GPHN: variants seen among roughly 807,000 people sequenced by gnomAD.
GPHN encodes the protein gephyrin.
Under a neutral mutation model 95.5 loss-of-function variants are expected in GPHN, and 17 were observed. The ratio of observed to expected loss-of-function variants is 0.18; its 90% CI spans 0.12 to 0.27. The LOEUF (loss-of-function observed/expected upper bound fraction) is 0.27. GPHN is among the 10% of genes least tolerant of loss of function. The pLI, the probability that GPHN is intolerant of heterozygous loss-of-function variation, is 1.00. For synonymous variants in GPHN, 320 were observed against 322.5 expected, an observed-to-expected ratio of 0.99 and a Z score of 0.08; for missense variants, 660 against 978.1, an observed-to-expected ratio of 0.67 and a Z score of 4.34.
chr14:66,512,085 A>G (rs1355288266), intron 1 of GPHN, among the ~76,000 whole-genome samples: 1 of 151,884 alleles, frequency 6.6e-6, no homozygotes, highest in East Asian at 1.9e-4. Context: ...TAGAGGTAAT[A>G]TGGTAATGAG....
the GPHN span, among the ~76,000 whole-genome samples, chr14:67,249,271 T>C: frequency 3.9e-5 from 6 of 152,312 alleles, no homozygotes; most frequent in Non-Finnish European, 8.8e-5. Context: ...CTCATACCAA[T>C]GTTTTAAGGC....
At chr14:67,302,464 G>A in the GPHN span, 13 of 1,599,496 alleles carry the variant, frequency 8.1e-6, no homozygotes, top group East Asian at 2.5e-4. Context: ...GATAGTAAAA[G>A]GGGGTGCTGC....
At chr14:67,425,814 C>T in the GPHN span, among the ~76,000 whole-genome samples, 4 of 152,058 alleles carry the variant, frequency 2.6e-5, no homozygotes, top group South Asian at 2.1e-4. Flanking sequence ...AGAACCACAG[C>T]GGTGGGCGTG....
intron 9 of GPHN, among the ~76,000 whole-genome samples, chr14:67,010,421 G>A (rs1411657171): frequency 6.6e-6 from 1 of 151,454 alleles, no homozygotes; most frequent in South Asian, 2.1e-4. Flanking sequence ...GTGTGGTGGC[G>A]GGCACCTGCA....
intron 4 of GPHN, among the ~76,000 whole-genome samples, chr14:66,846,526 A>G (rs938207003): frequency 6.6e-6 from 1 of 152,096 alleles, no homozygotes; most frequent in Non-Finnish European, 1.5e-5. Flanking sequence ...GTTCAAAGTC[A>G]CAGTGGCTGT....
chr14:67,554,971 G>A, the GPHN span, among the ~76,000 whole-genome samples: 4 of 152,054 alleles, frequency 2.6e-5, no homozygotes. Flanking sequence ...GGAGTGCAGT[G>A]GTGCCATCTC....
the GPHN span, chr14:67,302,063 A>G: frequency 6.2e-7 from 1 of 1,609,514 alleles, no homozygotes; most frequent in Non-Finnish European, 8.5e-7. Context: ...ATTGGCCAGT[A>G]TGGAGGAGAA....
chr14:67,131,807 A>C (rs915284821), intron 17 of GPHN, among the ~76,000 whole-genome samples: 1 of 152,168 alleles, frequency 6.6e-6, no homozygotes, highest in Admixed American at 6.5e-5. Flanking sequence ...AATTTTTTTA[A>C]ATAAATTTCA....
At chr14:66,701,512 G>A (rs1048990370) in intron 2 of GPHN, among the ~76,000 whole-genome samples, 7 of 152,158 alleles carry the variant, frequency 4.6e-5, no homozygotes, top group East Asian at 3.9e-4. Context: ...TGTGATCCAC[G>A]GAGAGAAAGG....
the GPHN span, among the ~76,000 whole-genome samples, chr14:67,311,712 T>C: frequency 6.6e-6 from 1 of 152,224 alleles, no homozygotes. Flanking sequence ...CTGCCCTTAA[T>C]GCTAAGTAGA....
At chr14:66,720,159 G>C (rs1403562624) in intron 2 of GPHN, among the ~76,000 whole-genome samples, 1 of 151,998 alleles carries the variant, frequency 6.6e-6, no homozygotes, top group Non-Finnish European at 1.5e-5. Flanking sequence ...GGAAATAAAA[G>C]GTAGATAAAA....
chr14:66,586,639 A>G (rs1196463296), intron 1 of GPHN, among the ~76,000 whole-genome samples: 1 of 152,030 alleles, frequency 6.6e-6, no homozygotes, highest in Non-Finnish European at 1.5e-5. Context: ...TTTCTCCTTC[A>G]CTTATGAAGC....
At chr14:67,199,028 A>C in the GPHN span, 1 of 721,228 alleles carries the variant, frequency 1.4e-6, no homozygotes, top group Non-Finnish European at 2.5e-6. Context: ...GACACTTCAA[A>C]AGGCAAGAAG....
At chr14:67,093,713 A>G (rs2077230588) in intron 12 of GPHN, among the ~76,000 whole-genome samples, 1 of 152,090 alleles carries the variant, frequency 6.6e-6, no homozygotes, top group African/African-American at 2.4e-5. Flanking sequence ...CATGTATCCT[A>G]TGCCCACCTC....
intron 6 of GPHN, among the ~76,000 whole-genome samples, chr14:66,916,519 G>GTTTTTT (rs1357599880): frequency 1.8e-5 from 1 of 55,914 alleles, no homozygotes; most frequent in Non-Finnish European, 3.9e-5. Context: ...TTTTTGTTTT[G>GTTTTTT]TTTTGTTTTT....
the GPHN span, among the ~76,000 whole-genome samples, chr14:67,291,350 C>T: frequency 6.6e-6 from 1 of 151,968 alleles, no homozygotes; most frequent in East Asian, 1.9e-4. Flanking sequence ...TGTCTCGCCT[C>T]CCGAGTAGCT....
intron 2 of GPHN, among the ~76,000 whole-genome samples, chr14:66,759,971 C>T (rs1047153905): frequency 1.3e-5 from 2 of 152,142 alleles, no homozygotes; most frequent in Non-Finnish European, 2.9e-5. Context: ...AAGATAATCA[C>T]AGGCCTCTGT....
the GPHN span, chr14:67,684,859 A>C: frequency 5.8e-6 from 3 of 520,416 alleles, no homozygotes; most frequent in Admixed American, 3.6e-5. Context: ...ATTACAAAAG[A>C]GAGTCAAATT....
At chr14:67,521,949 G>T in the GPHN span, among the ~76,000 whole-genome samples, 3 of 152,140 alleles carry the variant, frequency 2.0e-5, no homozygotes, top group African/African-American at 7.2e-5. Flanking sequence ...GGCTGAGGCG[G>T]GTGGATCACG....
Sources: allele counts gnomAD v4.1 joint callset (sites outside exome capture counted in the v4.1 genomes callset), GRCh38; gene constraint gnomAD v4.1.1; transcripts MANE v1.5; gene names NCBI Gene and HGNC (gene_info 2026-07-23, HGNC 2026-07-21).